RAB28: variants seen among roughly 807,000 people sequenced by gnomAD.
RAB28 encodes RAB28, member RAS oncogene family.
In RAB28, 24 loss-of-function variants were observed where a neutral mutation model predicts 31.7. The observed-to-expected ratio is 0.76, with a 90% CI of 0.55 to 1.06. The LOEUF (loss-of-function observed/expected upper bound fraction) is 1.06, where lower values mean the gene tolerates loss of function less well. RAB28 is among the 50% of genes least tolerant of loss of function. The pLI, the probability that RAB28 is intolerant of heterozygous loss-of-function variation, is 0.00. For missense variants in RAB28, 254 were observed against 258.5 expected (o/e 0.98, Z 0.12); for synonymous variants, 100 against 90.4 (o/e 1.11, Z -0.60).
intron 4 of RAB28, among the ~76,000 whole-genome samples, chr4:13,427,789 C>T (rs1266428900): frequency 6.6e-6 from 1 of 152,062 alleles, no homozygotes; most frequent in Non-Finnish European, 1.5e-5. Context: ...CAGTGGAGAA[C>T]AGAGAAGAGT....
At chr4:13,433,822 G>A (rs1378195763) in intron 4 of RAB28, among the ~76,000 whole-genome samples, 1 of 151,818 alleles carries the variant, frequency 6.6e-6, no homozygotes, top group Non-Finnish European at 1.5e-5. Flanking sequence ...ATAACTACAG[G>A]AAAATAAACC....
chr4:13,476,415 A>G (rs1716361791), intron 2 of RAB28, among the ~76,000 whole-genome samples: 1 of 151,548 alleles, frequency 6.6e-6, no homozygotes, highest in East Asian at 1.9e-4. Flanking sequence ...AAATAAAAAT[A>G]GCTATGAATT....
At chr4:13,445,716 C>T (rs1340588090) in intron 4 of RAB28, among the ~76,000 whole-genome samples, 1 of 151,608 alleles carries the variant, frequency 6.6e-6, no homozygotes, top group Non-Finnish European at 1.5e-5. Context: ...CTATCTATTC[C>T]TTCTTCCAGA....
chr4:13,407,385 T>A (rs1176894389), intron 4 of RAB28, among the ~76,000 whole-genome samples: 2 of 152,232 alleles, frequency 1.3e-5, no homozygotes, highest in African/African-American at 4.8e-5. Context: ...TTGGTACCAG[T>A]ACCACATTGT....
At chr4:13,408,458 T>C (rs1436155126) in intron 4 of RAB28, among the ~76,000 whole-genome samples, 1 of 152,200 alleles carries the variant, frequency 6.6e-6, no homozygotes, top group Non-Finnish European at 1.5e-5. Flanking sequence ...ATCAGGGATA[T>C]TGGCTTGAAA....
At position 13,460,797 on chromosome 4, in the gene RAB28, T is replaced by C; in HGVS notation, c.293A>G (p.Tyr98Cys). 1 of 1,612,784 alleles carries C rather than the reference T, an allele frequency of 6.2e-7. No homozygotes were observed. The highest frequency in any genetic ancestry group is 8.5e-7 in the Non-Finnish European group (1 of 1,178,856). Reference sequence around the variant, plus strand: ...ATCTTCTAAATTCTCAAAGCTTTGATAATTTGTAATATCATATACCAAGAG... The same window carrying C: ...ATCTTCTAAATTCTCAAAGCTTTGACAATTTGTAATATCATATACCAAGAG... ...GVLLVYDITNYQSFENLEDWY... is the reference protein window; with the variant it reads ...GVLLVYDITNCQSFENLEDWY... The change falls in exon 4 of 7, where the codon TAT becomes TGT. Residue 98 changes from tyrosine to cysteine, a missense_variant. Tyr to Cys is a radical substitution (Grantham distance 194). Transcript: ENST00000330852.
At chr4:13,457,202 C>A (rs7658885) in intron 4 of RAB28, among the ~76,000 whole-genome samples, 8,521 of 152,218 alleles carry the variant, frequency 0.056, 547 homozygotes, top group African/African-American at 0.16. Context: ...CATGTCTTTC[C>A]ATCACATCTC....
chr4:13,434,790 G>A (rs1286388253), intron 4 of RAB28, among the ~76,000 whole-genome samples: 1 of 152,012 alleles, frequency 6.6e-6, no homozygotes, highest in East Asian at 1.9e-4. Flanking sequence ...AGGCCAAGCT[G>A]GGCAGATCAT....
intron 4 of RAB28, among the ~76,000 whole-genome samples, chr4:13,397,379 T>C (rs1343794542): frequency 1.3e-5 from 2 of 152,154 alleles, no homozygotes; most frequent in East Asian, 3.8e-4. Context: ...TAAAGGCACC[T>C]GTTTGGTTCT....
intron 4 of RAB28, among the ~76,000 whole-genome samples, chr4:13,429,137 G>T (rs1713672323): frequency 6.6e-6 from 1 of 151,708 alleles, no homozygotes; most frequent in Non-Finnish European, 1.5e-5. Context: ...GCAAAGGCAG[G>T]GGTTTCACCA....
At position 13,378,134 on chromosome 4, in the gene RAB28, T is replaced by C. The variant is rs371987502; in HGVS notation, c.496-1512A>G. On this transcript the variant is annotated intron_variant, in intron 5 of 6. Coordinates refer to ENST00000330852, the MANE Select transcript of RAB28 (RefSeq NM_001017979.3). ...TAAATAAAGCCATTAGGAATAAGTG[T>C]AGAAAAAGAGATTATCAAAGGACTG... Among the ~76,000 whole-genome samples, 11 of 152,010 alleles carry C rather than the reference T, an allele frequency of 7.2e-5. No homozygotes were observed. In the East Asian group the frequency reaches 2.1e-3, roughly 29 times the overall value.
chr4:13,459,180 C>T (rs1358120065), intron 4 of RAB28, among the ~76,000 whole-genome samples: 3 of 152,182 alleles, frequency 2.0e-5, no homozygotes, highest in Admixed American at 6.5e-5. Flanking sequence ...GGTTTGCCAG[C>T]GGCTCTCAGG....
At chr4:13,391,910 TG>T (rs1330630547) in intron 4 of RAB28, among the ~76,000 whole-genome samples, 2 of 125,528 alleles carry the variant, frequency 1.6e-5, no homozygotes, top group Admixed American at 1.7e-4. Flanking sequence ...TGTCGGGAGG[TG>T]GGGGGCTGGG....
intron 4 of RAB28, among the ~76,000 whole-genome samples, chr4:13,446,987 T>G (rs1714733361): frequency 6.6e-6 from 1 of 152,166 alleles, no homozygotes; most frequent in South Asian, 2.1e-4. Flanking sequence ...AAATGCAACT[T>G]TAGCCTGCCA....
At chr4:13,377,214 A>G (rs1257799673) in intron 5 of RAB28, among the ~76,000 whole-genome samples, 1 of 152,084 alleles carries the variant, frequency 6.6e-6, no homozygotes, top group Non-Finnish European at 1.5e-5. Flanking sequence ...ATAGACAAAT[A>G]TTTTTCTATA....
intron 4 of RAB28, among the ~76,000 whole-genome samples, chr4:13,421,514 G>C (rs1336711476): frequency 6.6e-6 from 1 of 152,114 alleles, no homozygotes; most frequent in East Asian, 1.9e-4. Context: ...TATACTACAA[G>C]GCTACAGTAA....
intron 4 of RAB28, among the ~76,000 whole-genome samples, chr4:13,407,515 TTAAAG>T (rs1188330986): frequency 2.6e-5 from 4 of 152,218 alleles, no homozygotes; most frequent in African/African-American, 7.2e-5. Flanking sequence ...TGTATGAACT[TTAAAG>T]TAGTTTTTTT....
At chr4:13,383,891 A>G (rs2108884407) in intron 4 of RAB28, among the ~76,000 whole-genome samples, 1 of 152,262 alleles carries the variant, frequency 6.6e-6, no homozygotes, top group East Asian at 1.9e-4. Flanking sequence ...GGCTAGTCCA[A>G]CCTCAGCATC....
intron 4 of RAB28, among the ~76,000 whole-genome samples, chr4:13,411,005 A>G (rs1176232277): frequency 6.6e-6 from 1 of 152,164 alleles, no homozygotes; most frequent in Non-Finnish European, 1.5e-5. Context: ...CCATCCAGAT[A>G]CCACAGGCAT....
Sources: gnomAD v4.1 joint callset for allele counts (sites outside exome capture counted in the v4.1 genomes callset) on GRCh38, gnomAD v4.1.1 for gene constraint, MANE v1.5 for transcripts, NCBI Gene and HGNC (gene_info 2026-07-23, HGNC 2026-07-21) for gene names.